The following KCNH7 variants were observed in gnomAD, a reference collection of about 807,000 sequenced individuals.
KCNH7 encodes potassium voltage-gated channel subfamily H member 7, also known as voltage-gated inwardly rectifying potassium channel KCNH7.
Under a neutral mutation model 120.8 loss-of-function variants are expected in KCNH7, and 49 were observed. The ratio of observed to expected loss-of-function variants is 0.41; its 90% confidence interval spans 0.32 to 0.51. The LOEUF (loss-of-function observed/expected upper bound fraction) is 0.51. KCNH7 is among the 20% of genes least tolerant of loss of function. KCNH7 has a pLI of 0.38. For missense variants in KCNH7, 1,097 were observed against 1,446.6 expected, an observed-to-expected ratio of 0.76 and a Z score of 3.92; for synonymous variants, 547 against 516.1, an observed-to-expected ratio of 1.06 and a Z score of -0.81.
At chr2:162,489,792 G>A (rs918552411) in intron 6 of KCNH7, among the ~76,000 whole-genome samples, 2 of 152,112 alleles carry the variant, frequency 1.3e-5, no homozygotes, top group African/African-American at 4.8e-5. Context: ...ACATTGGATA[G>A]GAATTTCTGT....
intron 2 of KCNH7, among the ~76,000 whole-genome samples, chr2:162,586,836 A>T (rs1480991665): frequency 6.6e-6 from 1 of 152,102 alleles, no homozygotes; most frequent in African/African-American, 2.4e-5. Context: ...AAAAATGAAA[A>T]TAAGAAATAT....
At chr2:162,561,509 A>G (rs2105879751) in intron 2 of KCNH7, among the ~76,000 whole-genome samples, 1 of 152,222 alleles carries the variant, frequency 6.6e-6, no homozygotes, top group South Asian at 2.1e-4. Flanking sequence ...ACTCCCACCA[A>G]CAGTGTAAAA....
chr2:162,596,822 A>G (rs1694395241), intron 2 of KCNH7, among the ~76,000 whole-genome samples: 1 of 152,086 alleles, frequency 6.6e-6, no homozygotes, highest in Non-Finnish European at 1.5e-5. Flanking sequence ...AGGGGTTAGT[A>G]TCCAAAATAT....
chr2:162,467,298 ATCC>A (rs1689341007), intron 6 of KCNH7, among the ~76,000 whole-genome samples: 1 of 152,218 alleles, frequency 6.6e-6, no homozygotes, highest in South Asian at 2.1e-4. Flanking sequence ...TGGATATATG[ATCC>A]TCCAAATTTC....
intron 6 of KCNH7, among the ~76,000 whole-genome samples, chr2:162,478,610 C>T (rs1689825246): frequency 6.6e-6 from 1 of 152,220 alleles, no homozygotes. Context: ...ACTTCAGGGA[C>T]CGCACAAAAT....
At chr2:162,771,365 A>C (rs147259958) in intron 2 of KCNH7, among the ~76,000 whole-genome samples, 1 of 152,082 alleles carries the variant, frequency 6.6e-6, no homozygotes, top group Non-Finnish European at 1.5e-5. Flanking sequence ...TTGTGAGTCT[A>C]TATTTACTCT....
chr2:162,464,402 G>A (rs1489103020), intron 6 of KCNH7, among the ~76,000 whole-genome samples: 1 of 151,854 alleles, frequency 6.6e-6, no homozygotes, highest in Non-Finnish European at 1.5e-5. Flanking sequence ...CCTAGGGGGA[G>A]GCATGAATCT....
chr2:162,564,406 A>G (rs1297846355), intron 2 of KCNH7, among the ~76,000 whole-genome samples: 2 of 152,168 alleles, frequency 1.3e-5, no homozygotes, highest in Admixed American at 1.3e-4. Context: ...CATTTGCAGA[A>G]TTCTTCTCAA....
chr2:162,601,529 T>A (rs1694557742), intron 2 of KCNH7, among the ~76,000 whole-genome samples: 1 of 149,046 alleles, frequency 6.7e-6, no homozygotes, highest in African/African-American at 2.5e-5. Context: ...TTAAATGTCA[T>A]GTTCCCTAAC....
At chr2:162,826,458 G>T (rs1009221072) in intron 2 of KCNH7, among the ~76,000 whole-genome samples, 1 of 152,100 alleles carries the variant, frequency 6.6e-6, no homozygotes, top group Non-Finnish European at 1.5e-5. Context: ...ACTAAGAAGA[G>T]TGATTTGTTA....
At chr2:162,380,868 C>G (rs1482617440) in intron 13 of KCNH7, among the ~76,000 whole-genome samples, 1 of 152,006 alleles carries the variant, frequency 6.6e-6, no homozygotes, top group East Asian at 1.9e-4. Context: ...GGTTGTGATC[C>G]CTTTTCATAT....
chr2:162,442,542 A>T (rs1340529593), intron 7 of KCNH7, among the ~76,000 whole-genome samples: 1 of 152,072 alleles, frequency 6.6e-6, no homozygotes, highest in African/African-American at 2.4e-5. Flanking sequence ...TTCTAAGCTC[A>T]TCTATGATGC....
intron 2 of KCNH7, among the ~76,000 whole-genome samples, chr2:162,780,097 A>G (rs749065262): frequency 2.6e-5 from 4 of 152,206 alleles, no homozygotes; most frequent in Non-Finnish European, 5.9e-5. Context: ...AAGAAGAACA[A>G]AATTCTTCTT....
chr2:162,670,168 A>C (rs1301428100), intron 2 of KCNH7, among the ~76,000 whole-genome samples: 2 of 151,606 alleles, frequency 1.3e-5, no homozygotes, highest in Non-Finnish European at 2.9e-5. Flanking sequence ...GCAAGAAGGG[A>C]TTATTAGAAA....
chr2:162,619,436 C>T (rs1683263151), intron 2 of KCNH7, among the ~76,000 whole-genome samples: 1 of 149,528 alleles, frequency 6.7e-6, no homozygotes, highest in Non-Finnish European at 1.5e-5. Flanking sequence ...AGAATTGGCC[C>T]CTTGGTCCAG....
chr2:162,565,833 T>A (rs1363558564), intron 2 of KCNH7, among the ~76,000 whole-genome samples: 1 of 152,068 alleles, frequency 6.6e-6, no homozygotes, highest in African/African-American at 2.4e-5. Flanking sequence ...GGTATAAGTG[T>A]GCTTGCATTC....
intron 9 of KCNH7, among the ~76,000 whole-genome samples, chr2:162,415,689 A>T (rs1186113547): frequency 2.0e-5 from 3 of 152,176 alleles, no homozygotes; most frequent in Non-Finnish European, 2.9e-5. Context: ...TTTAATAACA[A>T]TTTTTTTAAA....
intron 2 of KCNH7, among the ~76,000 whole-genome samples, chr2:162,683,623 C>G (rs1373588263): frequency 6.6e-6 from 1 of 151,816 alleles, no homozygotes; most frequent in African/African-American, 2.4e-5. Context: ...GAAAGACCTT[C>G]CCTGTGTGTC....
intron 9 of KCNH7, among the ~76,000 whole-genome samples, chr2:162,403,026 A>G (rs1687109509): frequency 6.6e-6 from 1 of 151,834 alleles, no homozygotes; most frequent in African/African-American, 2.4e-5. Context: ...TTTTTTTGGG[A>G]AAGCTAAATT....
Sources: allele counts gnomAD v4.1 joint callset (sites outside exome capture counted in the v4.1 genomes callset), GRCh38; gene constraint gnomAD v4.1.1; transcripts MANE v1.5; gene names NCBI Gene and HGNC (gene_info 2026-07-23, HGNC 2026-07-21).